The following CSNK1D variants were observed in gnomAD, a reference collection of about 807,000 sequenced individuals.
CSNK1D encodes casein kinase 1 delta.
CSNK1D carries 16 observed loss-of-function variants against 46.6 expected under a neutral mutation model. The ratio of observed to expected loss-of-function variants is 0.34; its 90% CI spans 0.23 to 0.52. CSNK1D has a LOEUF of 0.52. CSNK1D is among the 20% of genes least tolerant of loss of function. The pLI is 0.95. For missense variants in CSNK1D, 398 were observed against 578.4 expected, an observed-to-expected ratio of 0.69 and a Z score of 3.20; for synonymous variants, 276 against 228.2, an observed-to-expected ratio of 1.21 and a Z score of -1.89.
rs1361537391 is a variant in CSNK1D at position 82,250,380 on chromosome 17, A to G, written c.886-778T>C. The G allele has an allele frequency of 7.5e-6, 3 of 399,980 alleles. No individual in the cohort carries two copies. The highest frequency in any genetic ancestry group is 2.1e-5 in the African/African-American group (1 of 47,730). The allele number at this position is 399,980 out of a possible 1,614,324, so 24.8% of individuals were successfully genotyped here. ...CACCGCCCAGACTCCTCATGCTGCC[A>G]TTTACGGAAAACGCTGGCCTAGCCT... On this transcript the variant is annotated intron_variant, in intron 6 of 8. Transcript: ENST00000314028. This position sits in a 1 kb window ranked among gnomAD's most constrained non-coding sequence, Gnocchi z 4.6.
At chr17:82,265,930 G>GT (rs2051457231) in intron 1 of CSNK1D, 134 bp from the exon 2 acceptor site, 1 of 791,548 alleles carries the variant, frequency 1.3e-6, no homozygotes, top group Admixed American at 1.9e-5. Context: ...TCCTAGCATA[G>GT]TAAGGCGGGC....
In CSNK1D at chr17:82,249,274, C is replaced by CGCCT. The variant is rs796793712; in HGVS notation, c.1057+153_1057+156dup. On this transcript the variant is annotated intron_variant, in intron 7 of 8. Transcript: ENST00000314028. The surrounding 1 kb of genome is among the most constrained non-coding windows in gnomAD (Gnocchi z 6.7). Reference sequence around the variant, plus strand: ...CAGCAGGTGCCGGCATTTCTAAAGGCGCCTGGGCAGCCTGGCTCATCCACC... The same window carrying CGCCT: ...CAGCAGGTGCCGGCATTTCTAAAGGCGCCTGCCTGGGCAGCCTGGCTCATCCACC... 1 of 864,172 alleles carries CGCCT rather than the reference C, an allele frequency of 1.2e-6. No homozygotes were observed. Among genetic ancestry groups the CGCCT allele is most frequent in the African/African-American group, 1.7e-5 (1 of 59,026 alleles). 53.5% of individuals were successfully genotyped at this position (864,172 alleles called of 1,614,324 possible).
chr17:82,245,880 T>C (rs2050838133), intron 8 of CSNK1D: 9 of 1,296,532 alleles, frequency 6.9e-6, no homozygotes, highest in Non-Finnish European at 9.8e-6. Context: ...GCACCTGGCA[T>C]GCAAGCCCAG....
At chr17:82,245,835 A>C in intron 8 of CSNK1D, 1 of 862,800 alleles carries the variant, frequency 1.2e-6, no homozygotes, top group Admixed American at 2.1e-5. Context: ...ACCCCACAAG[A>C]AGAACAGAGC....
intron 3 of CSNK1D, chr17:82,254,988 T>A (rs1383665446): frequency 3.0e-6 from 1 of 338,530 alleles, no homozygotes; most frequent in East Asian, 8.8e-5. Flanking sequence ...CAGAAGCCAG[T>A]CAGCTGAGCC....
chr17:82,261,793 T>G (rs1011502701), intron 2 of CSNK1D, among the ~76,000 whole-genome samples: 3 of 152,150 alleles, frequency 2.0e-5, no homozygotes, highest in African/African-American at 7.2e-5. Flanking sequence ...TTCTTTGGTG[T>G]TGTACAATAT....
chr17:82,249,775 C>A lies in CSNK1D; in HGVS notation c.886-173G>T. The A allele has an allele frequency of 6.8e-7, 1 of 1,470,474 alleles. No homozygotes were observed. The highest frequency in any genetic ancestry group is 9.0e-7 in the Non-Finnish European group (1 of 1,112,622). The allele number at this position is 1,470,474 out of a possible 1,614,324, so 91.1% of individuals were successfully genotyped here. ...TCTCCTCATGGGATGACAGCATCAT[C>A]CCCACAAGGGGTCAGAGCCAGGCCT... On this transcript the variant is annotated intron_variant, in intron 6 of 8. Coordinates refer to ENST00000314028, the MANE Select transcript of CSNK1D (RefSeq NM_001893.6). The surrounding 1 kb of genome is among the most constrained non-coding windows in gnomAD (Gnocchi z 6.7).
chr17:82,245,243 C>G (rs1206449417), intron 8 of CSNK1D: 10 of 345,046 alleles, frequency 2.9e-5, no homozygotes, highest in Non-Finnish European at 5.0e-5. Flanking sequence ...CAGCGGGTCT[C>G]CCAGCGGCAC....
Position 82,249,577 on chromosome 17 carries a change from G to A in CSNK1D, c.911C>T (p.Ala304Val). 1 of 1,558,918 alleles carries A rather than the reference G, an allele frequency of 6.4e-7. No individual in the cohort carries two copies. The highest frequency in any genetic ancestry group is 8.7e-7 in the Non-Finnish European group (1 of 1,155,706). The change falls in exon 7 of 9, where the codon GCC (alanine) becomes GTC (valine). Residue 304 changes from alanine (A) to valine (V), a missense_variant. Physicochemically the swap from Ala to Val is moderately conservative, Grantham distance 64. Around this residue, in one of 2 missense-constraint regions of CSNK1D, gnomAD observed 181 missense variants for 208.0 expected, o/e 0.87. Transcript: ENST00000314028. This position sits in a 1 kb window ranked among gnomAD's most constrained non-coding sequence, Gnocchi z 6.7. ...CTCTCGGTCCCTGCGCTCCCGCTCG[G>A]CGTCATCGGCGGCCCGGCTGGCACC... The part of the protein sequence containing the change: ...KFGASRAADD[A>V]ERERRDREER...
At chr17:82,267,081 A>G (rs1363049818) in intron 1 of CSNK1D, 3 of 150,262 alleles carry the variant, frequency 2.0e-5, no homozygotes, top group South Asian at 2.1e-4. Context: ...AAAAAAAAAA[A>G]GGACACTGGA....
At position 82,243,139 on chromosome 17, in the gene CSNK1D, G is replaced by C. The variant is rs2050769409; in HGVS notation, c.*1642C>G. The C allele has an allele frequency of 2.0e-6, 2 of 985,590 alleles. No homozygotes were observed. The highest frequency in any genetic ancestry group is 1.7e-5 in the African/African-American group (1 of 57,378). The allele number at this position is 985,590 out of a possible 1,614,324, so 61.1% of individuals were successfully genotyped here. On this transcript the variant is annotated 3_prime_UTR_variant, in exon 9 of 9. Coordinates refer to ENST00000314028, the MANE Select transcript of CSNK1D (RefSeq NM_001893.6). ...CTCCAAAACGCTTACACAGTAACCAGCCTAGGATTGAGAAAGCATCCATGG... is the reference window on the plus strand; with the variant it reads ...CTCCAAAACGCTTACACAGTAACCACCCTAGGATTGAGAAAGCATCCATGG...
Position 82,249,035 on chromosome 17 carries a change from G to C in CSNK1D, c.1058-21C>G, listed in dbSNP as rs753964785. The C allele has an allele frequency of 1.3e-6, 2 of 1,550,318 alleles. No homozygotes were observed. Among genetic ancestry groups the C allele is most frequent in the African/African-American group, 2.7e-5 (2 of 73,074 alleles). On this transcript the variant is annotated intron_variant, in intron 7 of 8. Coordinates refer to ENST00000314028, the MANE Select transcript of CSNK1D (RefSeq NM_001893.6). This position sits in a 1 kb window ranked among gnomAD's most constrained non-coding sequence, Gnocchi z 6.7. ...GTTAGCTGAGGACAGGGAGAGAAACGGAGTGGGCCGCCCCCGTCTGCTGCC... is the reference window on the plus strand; with the variant it reads ...GTTAGCTGAGGACAGGGAGAGAAACCGAGTGGGCCGCCCCCGTCTGCTGCC...
Position 82,270,907 on chromosome 17 carries a change from G to A in CSNK1D, c.76+2399C>T, listed in dbSNP as rs148699471. 3.9e-3 allele frequency among the ~76,000 whole-genome samples: 597 copies of A among 152,282 alleles called. 2 individuals are homozygous for A. Among genetic ancestry groups the A allele is most frequent in the South Asian group, 0.028 (137 of 4,826 alleles). On this transcript the variant is annotated intron_variant, in intron 1 of 8. Coordinates refer to ENST00000314028, the MANE Select transcript of CSNK1D (RefSeq NM_001893.6). ...TCCAGCATGACTGTATGCCCAGCGC[G>A]AGGTGAGGCCTGGAGGGTAGAATGC... is the stretch of plus-strand genomic sequence containing the variant.
At chr17:82,265,930 G>A (rs2147215763) in intron 1 of CSNK1D, 134 bp from the exon 2 acceptor site, 1 of 791,548 alleles carries the variant, frequency 1.3e-6, no homozygotes, top group South Asian at 1.4e-5. Context: ...TCCTAGCATA[G>A]TAAGGCGGGC....
chr17:82,256,109 G>A (rs2051168405), intron 2 of CSNK1D, among the ~76,000 whole-genome samples: 1 of 152,188 alleles, frequency 6.6e-6, no homozygotes, highest in African/African-American at 2.4e-5. Flanking sequence ...AGTAACCCAG[G>A]ATTGAAATAT....
At chr17:82,264,846 G>C (rs2051427739) in intron 2 of CSNK1D, among the ~76,000 whole-genome samples, 1 of 146,910 alleles carries the variant, frequency 6.8e-6, no homozygotes, top group Non-Finnish European at 1.5e-5. Context: ...CATCCAGGCT[G>C]GACTGCAGTG....
At position 82,253,497 on chromosome 17, in the gene CSNK1D, G is replaced by A. The variant is rs183341482; in HGVS notation, c.337-253C>T. ...CTCCCACAAAACAGAGAGGTGAGGC[G>A]ACAGAGAGGGGACAACCCGCCACTA... On this transcript the variant is annotated intron_variant, in intron 3 of 8. Coordinates refer to ENST00000314028, the MANE Select transcript of CSNK1D (RefSeq NM_001893.6). The A allele has an allele frequency of 5.4e-5, 27 of 497,098 alleles. No individual in the cohort carries two copies. The East Asian group carries it at 6.8e-4, about 13-fold the overall frequency. 30.8% of individuals were successfully genotyped at this position (497,098 alleles called of 1,614,324 possible).
chr17:82,268,118 AG>A (rs2147222463), intron 1 of CSNK1D, among the ~76,000 whole-genome samples: 1 of 152,338 alleles, frequency 6.6e-6, no homozygotes, highest in South Asian at 2.1e-4. Flanking sequence ...GAGTCTCTAC[AG>A]GGGAGTAGCT....
At position 82,243,555 on chromosome 17, in the gene CSNK1D, G is replaced by A. The variant is rs563883007; in HGVS notation, c.*1226C>T. 10 of 985,444 alleles carry A rather than the reference G, an allele frequency of 1.0e-5. No individual in the cohort carries two copies. Among genetic ancestry groups the A allele is most frequent in the East Asian group, 1.1e-4 (1 of 8,810 alleles). The allele number at this position is 985,444 out of a possible 1,614,324, so 61.0% of individuals were successfully genotyped here. A position where few individuals can be genotyped will look rare whatever the true frequency, so the allele number is the denominator to read the frequency against. ...CTTCACTTCTGACCAACAGACACGCGCCCAACAGAAGGTCACAGCGCAGAC... is the reference window on the plus strand; with the variant it reads ...CTTCACTTCTGACCAACAGACACGCACCCAACAGAAGGTCACAGCGCAGAC... On this transcript the variant is annotated 3_prime_UTR_variant, in exon 9 of 9. Coordinates refer to ENST00000314028, the MANE Select transcript of CSNK1D (RefSeq NM_001893.6).
Sources: allele counts gnomAD v4.1 joint callset (sites outside exome capture counted in the v4.1 genomes callset), GRCh38; gene constraint gnomAD v4.1.1; regional missense constraint gnomAD v4.1.1; non-coding constraint Gnocchi (gnomAD v3.1); transcripts MANE v1.5; gene names NCBI Gene and HGNC (gene_info 2026-07-23, HGNC 2026-07-21).